Variants in LRRC27 observed in about 807,000 individuals in gnomAD.
LRRC27 encodes the protein leucine-rich repeat-containing protein 27.
LRRC27 carries 57 observed loss-of-function variants against 55.0 expected under a neutral mutation model. That is an observed-to-expected ratio of 1.04 (90% CI 0.84 to 1.29). The LOEUF is 1.29. Ranked by LOEUF, LRRC27 falls within the 50% of genes most tolerant of loss-of-function variation. The pLI is 0.00. For missense variants in LRRC27, 721 were observed against 651.5 expected, an observed-to-expected ratio of 1.11 and a Z score of -1.16; for synonymous variants, 278 against 251.9, an observed-to-expected ratio of 1.10 and a Z score of -0.98.
Position 132,348,961 on chromosome 10 carries a change from A to T in LRRC27, c.926+605A>T. 6.2e-7 allele frequency: 1 copy of T among 1,600,468 alleles called. No homozygotes were observed. Among genetic ancestry groups the T allele is most frequent in the Non-Finnish European group, 8.5e-7 (1 of 1,172,464 alleles). On this transcript the variant is annotated intron_variant, in intron 6 of 10. Coordinates refer to ENST00000368614, the MANE Select transcript of LRRC27 (RefSeq NM_030626.3). This position sits in a 1 kb window ranked among gnomAD's most constrained non-coding sequence, Gnocchi z 4.2. ...GAGATTTTATTTTCCTTTCACACCC[A>T]GGACAAGGGTCCCTAGGAAACAGGC... is the stretch of plus-strand genomic sequence containing the variant.
At chr10:132,330,340 T>C (rs765649789), upstream of LRRC27, 5 of 666,622 alleles carry the variant, frequency 7.5e-6, no homozygotes, top group Non-Finnish European at 1.4e-5. Flanking sequence ...ATGCTGAAAC[T>C]TGTTAGAAAT....
intron 6 of LRRC27, chr10:132,350,888 A>G (rs945233017): frequency 5.9e-5 from 9 of 152,242 alleles, no homozygotes; most frequent in African/African-American, 2.2e-4. Flanking sequence ...CAGAGCCCCT[A>G]TCTCCAGCCT....
At position 132,379,920 on chromosome 10, in the gene LRRC27, AAAAAG is replaced by A. The variant is rs2069389531; in HGVS notation, c.*4683_*4687del. ...AGCCACATAGCCTAGAAATATCTGA[AAAAAG>A]AAAAAGTTATGTCATGAATGCATAA... On this transcript the variant is annotated 3_prime_UTR_variant, in exon 11 of 11. Coordinates refer to ENST00000368614, the MANE Select transcript of LRRC27 (RefSeq NM_030626.3). 6.6e-6 allele frequency: 1 copy of A among 152,308 alleles called. No homozygotes were observed. The highest frequency in any genetic ancestry group is 1.5e-5 in the Non-Finnish European group (1 of 68,106). The allele number at this position is 152,308 out of a possible 1,614,324, so 9.4% of individuals were successfully genotyped here. A position where few individuals can be genotyped will look rare whatever the true frequency, so the allele number is the denominator to read the frequency against.
intron 10 of LRRC27, chr10:132,366,842 C>T (rs1374960212): frequency 7.8e-7 from 1 of 1,279,592 alleles, no homozygotes; most frequent in Non-Finnish European, 1.0e-6. Flanking sequence ...TCCCTCTCTC[C>T]TAGAGCCGGA....
chr10:132,369,695 C>A (rs1324524463), intron 10 of LRRC27, among the ~76,000 whole-genome samples: 2 of 152,220 alleles, frequency 1.3e-5, no homozygotes, highest in African/African-American at 4.8e-5. Flanking sequence ...TGCATGTCGA[C>A]TGTGGACTCT....
At chr10:132,373,582 A>G (rs1488553850) in intron 10 of LRRC27, among the ~76,000 whole-genome samples, 2 of 152,196 alleles carry the variant, frequency 1.3e-5, no homozygotes, top group Non-Finnish European at 2.9e-5. Flanking sequence ...TCAGCACACA[A>G]TAAGACGTTT....
At chr10:132,357,225 C>T (rs924601669) in intron 8 of LRRC27, among the ~76,000 whole-genome samples, 2 of 152,236 alleles carry the variant, frequency 1.3e-5, no homozygotes, top group African/African-American at 4.8e-5. Flanking sequence ...CTGCATCTCA[C>T]CCTTCTCAGG....
intron 10 of LRRC27, among the ~76,000 whole-genome samples, chr10:132,371,585 C>T (rs1158994495): frequency 1.3e-5 from 2 of 152,168 alleles, no homozygotes; most frequent in African/African-American, 4.8e-5. Context: ...CTCCCCCTCC[C>T]CAGGGTCTTT....
chr10:132,378,220 C>A lies in LRRC27; in HGVS notation c.*2978C>A, dbSNP rs1185326858. 3 of 151,706 alleles carry A rather than the reference C, an allele frequency of 2.0e-5. No homozygotes were observed. The highest frequency in any genetic ancestry group is 4.4e-5 in the Non-Finnish European group (3 of 67,938). 9.4% of individuals were successfully genotyped at this position (151,706 alleles called of 1,614,324 possible). Reference sequence around the variant, plus strand: ...CAATGTTCATTGTTATTTGTTGCTCCTTTGAAGGTAATGGGTCTTTTTTCT... The same window carrying A: ...CAATGTTCATTGTTATTTGTTGCTCATTTGAAGGTAATGGGTCTTTTTTCT... On this transcript the variant is annotated 3_prime_UTR_variant, in exon 11 of 11. Coordinates refer to ENST00000368614, the MANE Select transcript of LRRC27 (RefSeq NM_030626.3).
intron 7 of LRRC27, among the ~76,000 whole-genome samples, chr10:132,353,956 C>T (rs1016478144): frequency 1.3e-5 from 2 of 152,320 alleles, no homozygotes; most frequent in African/African-American, 2.4e-5. Context: ...TTCAAGGTAC[C>T]GTTTTCTGAA....
At chr10:132,365,194 A>C (rs1256483056) in intron 9 of LRRC27, among the ~76,000 whole-genome samples, 2 of 152,194 alleles carry the variant, frequency 1.3e-5, no homozygotes, top group Non-Finnish European at 2.9e-5. Flanking sequence ...TGAACTACTG[A>C]AGAAGGGATG....
chr10:132,331,435 C>T (rs1331609870), upstream of LRRC27: 6 of 1,609,662 alleles, frequency 3.7e-6, no homozygotes, highest in Non-Finnish European at 4.2e-6. Context: ...AGGACACTCA[C>T]TGCGTTTCCT....
intron 7 of LRRC27, 47 bp downstream of exon 7, chr10:132,351,800 C>G (rs766107249): frequency 1.3e-6 from 2 of 1,558,368 alleles, no homozygotes; most frequent in Non-Finnish European, 1.7e-6. Flanking sequence ...CCAGTGCACC[C>G]GGAACTGGGA....
intron 9 of LRRC27, among the ~76,000 whole-genome samples, chr10:132,363,414 C>T (rs546634021): frequency 1.1e-4 from 17 of 152,310 alleles, no homozygotes; most frequent in South Asian, 6.2e-4. Context: ...TCCTCTGAGC[C>T]GTGTATAAGG....
upstream of LRRC27, chr10:132,332,097 G>T: frequency 4.4e-6 from 1 of 226,320 alleles, no homozygotes. Flanking sequence ...CACACCCCTC[G>T]CGCAGGCGCA....
At chr10:132,365,955 T>A (rs966351275) in intron 10 of LRRC27, among the ~76,000 whole-genome samples, 24 of 152,224 alleles carry the variant, frequency 1.6e-4, no homozygotes, top group African/African-American at 5.5e-4. Context: ...TCTAAAACCG[T>A]GGGACTGTGT....
intron 5 of LRRC27, among the ~76,000 whole-genome samples, chr10:132,345,249 A>C (rs1426004965): frequency 6.6e-6 from 1 of 152,276 alleles, no homozygotes; most frequent in East Asian, 1.9e-4. Flanking sequence ...TGCCAAAAAA[A>C]GTACATATTC....
At chr10:132,351,579 T>C (rs767634342) in intron 6 of LRRC27, 28 bp from the exon 7 acceptor site, 8 of 1,601,828 alleles carry the variant, frequency 5.0e-6, no homozygotes, top group Middle Eastern at 3.4e-4. Context: ...TTGTTAAACA[T>C]TCAGCTAAAA....
At chr10:132,347,031 C>T (rs1002407546) in intron 5 of LRRC27, among the ~76,000 whole-genome samples, 1 of 152,220 alleles carries the variant, frequency 6.6e-6, no homozygotes, top group South Asian at 2.1e-4. Flanking sequence ...AGAAGACTGG[C>T]CAATAGGTCC....
Sources: gnomAD v4.1 joint callset for allele counts (sites outside exome capture counted in the v4.1 genomes callset) on GRCh38, gnomAD v4.1.1 for gene constraint, Gnocchi (gnomAD v3.1) non-coding constraint, MANE v1.5 for transcripts, NCBI Gene and HGNC (gene_info 2026-07-23, HGNC 2026-07-21) for gene names.